The following EIF3F variants were observed in gnomAD, a reference collection of about 807,000 sequenced individuals.
EIF3F encodes deubiquitinating enzyme eIF3f.
In EIF3F, 8 loss-of-function variants were observed where a neutral mutation model predicts 36.0. The observed-to-expected ratio is 0.22, with a 90% confidence interval of 0.13 to 0.40. EIF3F has a LOEUF of 0.40. Among genes scored for constraint, EIF3F ranks in the 10% least tolerant of loss-of-function variants. The probability of loss-of-function intolerance (pLI) is 1.00; values close to 1 mark genes in which losing one functional copy is unlikely to be tolerated. For missense variants in EIF3F, 430 were observed against 467.6 expected (o/e 0.92, Z 0.74); for synonymous variants, 184 against 188.5 (o/e 0.98, Z 0.19).
rs1942195689 is a variant in EIF3F, at chr11:7,999,448, C to T, written c.*3426C>T. 1 of 152,140 alleles carries T rather than the reference C, an allele frequency of 6.6e-6. No homozygotes were observed. Among genetic ancestry groups the T allele is most frequent in the South Asian group, 2.1e-4 (1 of 4,830 alleles). 9.4% of individuals were successfully genotyped at this position (152,140 alleles called of 1,614,324 possible). ...GGTGTTAATTTTCCCTGTTAAACTA[C>T]ATATTTGTCATAATTACAATAAAAT... On this transcript the variant is annotated 3_prime_UTR_variant, in exon 8 of 8. Coordinates refer to ENST00000651655, the MANE Select transcript of EIF3F (RefSeq NM_003754.3).
At chr11:7,995,427 C>T in intron 7 of EIF3F, 60 bp downstream of exon 7, 1 of 1,355,226 alleles carries the variant, frequency 7.4e-7, no homozygotes, top group African/African-American at 1.4e-5. Context: ...AGCACATACA[C>T]TCAAATGTGA....
rs1367220804 is a variant in EIF3F, at chr11:7,996,130, G to A, written c.*108G>A. 5 of 939,056 alleles carry A rather than the reference G, an allele frequency of 5.3e-6. No individual in the cohort carries two copies. The Admixed American group carries it at 9.4e-5, about 18-fold the overall frequency. 58.2% of individuals were successfully genotyped at this position (939,056 alleles called of 1,614,324 possible). A position where few individuals can be genotyped will look rare whatever the true frequency, so the allele number is the denominator to read the frequency against. ...TTGAGTCACACTGAGATAGTCAGTT[G>A]TGTGTGACTCTAATAAACGGAGCCT... is the stretch of plus-strand genomic sequence containing the variant. On this transcript the variant is annotated 3_prime_UTR_variant, in exon 8 of 8. Coordinates refer to ENST00000651655, the MANE Select transcript of EIF3F (RefSeq NM_003754.3).
rs1419379316 is a variant in EIF3F at position 7,997,108 on chromosome 11, GAT to G, written c.*1089_*1090del. On this transcript the variant is annotated 3_prime_UTR_variant, in exon 8 of 8. Transcript: ENST00000651655. ...ACCCCAGCCTGGAACTCAGTTCTGA[GAT>G]ATGTACCTCAGGAAATATAAGTTAT... 6.6e-6 allele frequency: 1 copy of G among 152,208 alleles called. No homozygotes were observed. Among genetic ancestry groups the G allele is most frequent in the African/African-American group, 2.4e-5 (1 of 41,452 alleles). The allele number at this position is 152,208 out of a possible 1,614,324, so 9.4% of individuals were successfully genotyped here. A position where few individuals can be genotyped will look rare whatever the true frequency, so the allele number is the denominator to read the frequency against.
intron 1 of EIF3F, among the ~76,000 whole-genome samples, chr11:7,990,078 A>G (rs1942074974): frequency 6.6e-6 from 1 of 152,230 alleles, no homozygotes; most frequent in Admixed American, 6.5e-5. Context: ...GAGATAGGAA[A>G]TAAAGTTGAC....
chr11:7,990,773 A>G (rs537029722), intron 1 of EIF3F, among the ~76,000 whole-genome samples: 2 of 152,210 alleles, frequency 1.3e-5, no homozygotes, highest in African/African-American at 2.4e-5. Flanking sequence ...GGAGAGGGAA[A>G]CTTTTAAATC....
Position 7,995,249 on chromosome 11 carries a change from C to T in EIF3F, c.883-5C>T, listed in dbSNP as rs1942147276. 2.5e-6 allele frequency: 4 copies of T among 1,612,898 alleles called. No individual in the cohort carries two copies. The South Asian group carries it at 3.3e-5, about 13-fold the overall frequency. On this transcript the variant is annotated splice_polypyrimidine_tract_variant and splice_region_variant and intron_variant, in intron 6 of 7. Coordinates refer to ENST00000651655, the MANE Select transcript of EIF3F (RefSeq NM_003754.3). ...GCCTCATCGAGTCTTTGTTTTGGTA[C>T]TCAGTCTGGAAAGGTGTCAGCTGAC... is the stretch of plus-strand genomic sequence containing the variant.
Position 8,001,301 on chromosome 11 carries a change from CCT to C in EIF3F, c.*5284_*5285del, listed in dbSNP as rs1201847400. On this transcript the variant is annotated 3_prime_UTR_variant, in exon 8 of 8. Coordinates refer to ENST00000651655, the MANE Select transcript of EIF3F (RefSeq NM_003754.3). ...TGGTAGACATATAAGTTGGTACAGC[CCT>C]CTCTATGTAATTTTGTGTTTGTCAA... 6.6e-6 allele frequency: 1 copy of C among 152,130 alleles called. No homozygotes were observed. The highest frequency in any genetic ancestry group is 1.5e-5 in the Non-Finnish European group (1 of 68,020). 9.4% of individuals were successfully genotyped at this position (152,130 alleles called of 1,614,324 possible). A position where few individuals can be genotyped will look rare whatever the true frequency, so the allele number is the denominator to read the frequency against.
intron 7 of EIF3F, 156 bp from the exon 8 acceptor site, chr11:7,995,789 G>C: frequency 1.4e-6 from 1 of 705,154 alleles, no homozygotes; most frequent in Non-Finnish European, 2.6e-6. Context: ...TTTCCTTTCT[G>C]TCTTCTACCT....
intron 1 of EIF3F, among the ~76,000 whole-genome samples, chr11:7,989,947 C>T (rs1352178411): frequency 3.3e-5 from 5 of 152,190 alleles, no homozygotes. Context: ...AGGGAATTAC[C>T]TGGATCCCTG....
intron 4 of EIF3F, 120 bp from the exon 5 acceptor site, chr11:7,994,306 C>A (rs1942136562): frequency 2.4e-6 from 2 of 837,970 alleles, no homozygotes; most frequent in Admixed American, 5.4e-5. Flanking sequence ...TCATTTGGTC[C>A]CACCCTTTCT....
rs2133678226 is a variant in EIF3F at position 7,999,972 on chromosome 11, G to T, written c.*3950G>T. ...TAATCCCAGCACTTTGGGAGGCCAAGGCAGGTGGATCATTTGAGGTCAGAA... is the reference window on the plus strand; with the variant it reads ...TAATCCCAGCACTTTGGGAGGCCAATGCAGGTGGATCATTTGAGGTCAGAA... On this transcript the variant is annotated 3_prime_UTR_variant, in exon 8 of 8. Coordinates refer to ENST00000651655, the MANE Select transcript of EIF3F (RefSeq NM_003754.3). 6.6e-6 allele frequency: 1 copy of T among 152,388 alleles called. No homozygotes were observed. The highest frequency in any genetic ancestry group is 2.1e-4 in the South Asian group (1 of 4,818). The allele number at this position is 152,388 out of a possible 1,614,324, so 9.4% of individuals were successfully genotyped here.
chr11:7,993,951 G>C (rs983722114), intron 4 of EIF3F, among the ~76,000 whole-genome samples: 1 of 149,496 alleles, frequency 6.7e-6, no homozygotes, highest in Non-Finnish European at 1.5e-5. Context: ...TATAGATCCA[G>C]GTATATAATT....
In EIF3F at chr11:7,994,979, T is replaced by C. The variant is rs1319217724; in HGVS notation, c.746-3T>C. On this transcript the variant is annotated splice_polypyrimidine_tract_variant and splice_region_variant and intron_variant, in intron 5 of 7. Coordinates refer to ENST00000651655, the MANE Select transcript of EIF3F (RefSeq NM_003754.3). Reference sequence around the variant, plus strand: ...CTGCCACCCTGCCAACCAACTTCCATAGTTGACCTGATCATGAAGACCTGC... The same window carrying C: ...CTGCCACCCTGCCAACCAACTTCCACAGTTGACCTGATCATGAAGACCTGC... 2 of 1,612,662 alleles carry C rather than the reference T, an allele frequency of 1.2e-6. No homozygotes were observed. Among genetic ancestry groups the C allele is most frequent in the Non-Finnish European group, 1.7e-6 (2 of 1,179,702 alleles).
chr11:7,989,027 C>T (rs1472377988), intron 1 of EIF3F, among the ~76,000 whole-genome samples: 1 of 152,194 alleles, frequency 6.6e-6, no homozygotes, highest in East Asian at 1.9e-4. Context: ...TTTGCGTTCT[C>T]TTTGCCACAA....
intron 1 of EIF3F, among the ~76,000 whole-genome samples, chr11:7,991,279 G>A (rs1380208651): frequency 3.3e-5 from 5 of 152,162 alleles, no homozygotes; most frequent in African/African-American, 1.2e-4. Context: ...GACTTCTAAG[G>A]TTCGCAGATA....
Position 7,992,931 on chromosome 11 carries a change from A to G in EIF3F, c.560A>G (p.His187Arg). ...ATCACAGAGCACTCTGTGCTGATCC[A>G]CGAGTACTACAGCCGAGAGGCCCCC... ...HDITEHSVLI[H>R]EYYSREAPNP... Residue 187 changes from histidine (H) to arginine (R), a missense_variant, in exon 4 of 8, where the codon CAC becomes CGC. Physicochemically the swap from His to Arg is conservative, Grantham distance 29. Around this residue, in one of 2 missense-constraint regions of EIF3F, gnomAD observed 262 missense variants for 347.4 expected, o/e 0.75. Coordinates refer to ENST00000651655, the MANE Select transcript of EIF3F (RefSeq NM_003754.3). 6.2e-7 allele frequency: 1 copy of G among 1,614,094 alleles called. No individual in the cohort carries two copies. The highest frequency in any genetic ancestry group is 8.5e-7 in the Non-Finnish European group (1 of 1,180,004).
intron 7 of EIF3F, 127 bp from the exon 8 acceptor site, chr11:7,995,818 C>T: frequency 3.9e-6 from 3 of 763,242 alleles, no homozygotes; most frequent in South Asian, 1.5e-5. Context: ...TTTATTCAGT[C>T]TCTCCTAGCT....
At position 7,995,025 on chromosome 11, in the gene EIF3F, T is replaced by A. The variant is rs1315390413; in HGVS notation, c.789T>A (p.Ile263=). The change falls in exon 6 of 8, where the codon ATT becomes ATA. Residue 263 remains isoleucine, a synonymous_variant. Coordinates refer to ENST00000651655, the MANE Select transcript of EIF3F (RefSeq NM_003754.3). The stretch of plus-strand genomic sequence containing the variant: ...CCTGCTTTAGCCCCAACAGAGTGAT[T>A]GGACTCTCAAGTGACTTGCAGCAAG... The part of the protein sequence containing the change: ...MKTCFSPNRV[I]GLSSDLQQVG... The A allele has an allele frequency of 6.2e-7, 1 of 1,613,886 alleles. No individual in the cohort carries two copies. Among genetic ancestry groups the A allele is most frequent in the East Asian group, 2.2e-5 (1 of 44,880 alleles).
At position 8,000,810 on chromosome 11, in the gene EIF3F, C is replaced by T. The variant is rs555893230; in HGVS notation, c.*4788C>T. The T allele has an allele frequency of 6.6e-6, 1 of 151,060 alleles. No homozygotes were observed. The highest frequency in any genetic ancestry group is 2.4e-5 in the African/African-American group (1 of 41,020). 9.4% of individuals were successfully genotyped at this position (151,060 alleles called of 1,614,324 possible). On this transcript the variant is annotated 3_prime_UTR_variant, in exon 8 of 8. Transcript: ENST00000651655. ...AGTTGCTCATGGAATAAAAACTTGT[C>T]TGAAAAAAAAACCATAAATATGAGG...
Sources: gnomAD v4.1 joint callset for allele counts (sites outside exome capture counted in the v4.1 genomes callset) on GRCh38, gnomAD v4.1.1 for gene constraint, gnomAD v4.1.1 regional missense constraint, MANE v1.5 for transcripts, NCBI Gene and HGNC (gene_info 2026-07-23, HGNC 2026-07-21) for gene names.